Variants in GRIA3 observed in about 807,000 individuals in gnomAD.
GRIA3 encodes the protein glutamate ionotropic receptor AMPA type subunit 3, also known as glutamate receptor 3.
Under a neutral mutation model 63.0 loss-of-function variants are expected in GRIA3, and 3 were observed. The ratio of observed to expected loss-of-function variants is 0.05; its 90% CI spans 0.02 to 0.12. GRIA3 has a LOEUF of 0.12. GRIA3 is among the 10% of genes least tolerant of loss of function. The probability of loss-of-function intolerance (pLI) is 1.00; values close to 1 mark genes in which losing one functional copy is unlikely to be tolerated. For missense variants in GRIA3, 347 were observed against 700.9 expected (o/e 0.50, Z 5.70); for synonymous variants, 274 against 257.9 (o/e 1.06, Z -0.60).
chrX:123,198,908 A>G (rs1173197581), intron 2 of GRIA3, among the ~76,000 whole-genome samples: 2 of 112,013 alleles, frequency 1.8e-5, no homozygotes, highest in South Asian at 7.5e-4. Flanking sequence ...AGCATGGAAG[A>G]GTGGATCCCA....
intron 12 of GRIA3, among the ~76,000 whole-genome samples, chrX:123,454,161 G>A (rs1348868091): frequency 1.8e-5 from 2 of 110,375 alleles, no homozygotes; most frequent in Admixed American, 9.7e-5. Flanking sequence ...CAGAATTTCT[G>A]TGAAGTCATC....
chrX:123,333,246 A>T (rs1005124292), intron 4 of GRIA3, among the ~76,000 whole-genome samples: 1 of 112,024 alleles, frequency 8.9e-6, no homozygotes, highest in Non-Finnish European at 1.9e-5. Context: ...GTATACAGAA[A>T]GGGATCTCTT....
chrX:123,240,852 G>T (rs372004124), intron 2 of GRIA3, among the ~76,000 whole-genome samples: 18 of 111,017 alleles, frequency 1.6e-4, no homozygotes, highest in African/African-American at 5.2e-4. Flanking sequence ...GATGATAAAT[G>T]GTAAAGATAC....
intron 5 of GRIA3, among the ~76,000 whole-genome samples, chrX:123,376,765 G>T (rs1334612344): frequency 1.8e-5 from 2 of 110,912 alleles, no homozygotes; most frequent in African/African-American, 6.6e-5. Flanking sequence ...TCTGCAAGTG[G>T]TCAGCTCAAG....
chrX:123,188,771 C>T (rs1265445795), intron 2 of GRIA3, among the ~76,000 whole-genome samples: 1 of 111,928 alleles, frequency 8.9e-6, no homozygotes, highest in Non-Finnish European at 1.9e-5. Context: ...CTTTCCTGCA[C>T]CCTCAATCCT....
chrX:123,282,004 T>A (rs1257037751), intron 3 of GRIA3, among the ~76,000 whole-genome samples: 1 of 111,488 alleles, frequency 9.0e-6, no homozygotes, highest in Non-Finnish European at 1.9e-5. Flanking sequence ...AACTCTAGCA[T>A]GCCTCAGAAA....
Position 123,390,723 on chromosome X carries a change from T to G in GRIA3, c.751-4245T>G, listed in dbSNP as rs771499823. On this transcript the variant is annotated intron_variant, in intron 5 of 15. Transcript: ENST00000620443. The stretch of plus-strand genomic sequence containing the variant: ...TTCAGCTATTATTTTGTTAAATAGG[T>G]TTTTTATCACTTTCATTTTCTCTTC... Among the ~76,000 whole-genome samples the G allele has an allele frequency of 6.2e-5, 7 of 112,075 alleles. No homozygotes were observed. The South Asian group carries it at 2.6e-3, about 41-fold the overall frequency.
intron 12 of GRIA3, among the ~76,000 whole-genome samples, chrX:123,431,380 C>T (rs2045617491): frequency 9.1e-6 from 1 of 109,893 alleles, no homozygotes; most frequent in Admixed American, 9.5e-5. Context: ...TAGCTGTCAT[C>T]TTACAATCCC....
intron 2 of GRIA3, among the ~76,000 whole-genome samples, chrX:123,251,927 G>T (rs967147572): frequency 1.2e-4 from 14 of 112,002 alleles, no homozygotes; most frequent in Non-Finnish European, 2.6e-4. Context: ...ACATAGATTC[G>T]AATCAAATGC....
chrX:123,429,167 T>C (rs2045604756), intron 12 of GRIA3, among the ~76,000 whole-genome samples: 1 of 111,722 alleles, frequency 9.0e-6, no homozygotes, highest in Admixed American at 9.5e-5. Flanking sequence ...TGATTTTTCC[T>C]CAAAGGCCCA....
At chrX:123,358,989 G>A (rs1393371379) in intron 5 of GRIA3, among the ~76,000 whole-genome samples, 1 of 111,445 alleles carries the variant, frequency 9.0e-6, no homozygotes, top group Non-Finnish European at 1.9e-5. Context: ...AAAAAAGCAC[G>A]AGGCTAGGAG....
At chrX:123,222,902 A>C (rs2044226439) in intron 2 of GRIA3, among the ~76,000 whole-genome samples, 1 of 112,236 alleles carries the variant, frequency 8.9e-6, no homozygotes, top group African/African-American at 3.2e-5. Context: ...TCAACAGCCT[A>C]ACATCTTGTT....
intron 4 of GRIA3, among the ~76,000 whole-genome samples, chrX:123,342,244 CT>C (rs1370072827): frequency 8.9e-6 from 1 of 112,119 alleles, no homozygotes; most frequent in African/African-American, 3.2e-5. Flanking sequence ...GGACATTTCT[CT>C]TTACCCCATC....
intron 3 of GRIA3, among the ~76,000 whole-genome samples, chrX:123,299,104 A>C (rs1410318895): frequency 1.8e-5 from 2 of 111,398 alleles, no homozygotes; most frequent in Non-Finnish European, 3.8e-5. Flanking sequence ...TTTTTGCACC[A>C]GTACCATGCT....
intron 5 of GRIA3, among the ~76,000 whole-genome samples, chrX:123,392,278 G>A (rs2045391040): frequency 1.8e-5 from 2 of 111,544 alleles, no homozygotes; most frequent in African/African-American, 3.3e-5. Flanking sequence ...CTCGTGTTTC[G>A]CCCTGGCAGC....
intron 5 of GRIA3, among the ~76,000 whole-genome samples, chrX:123,356,582 G>A (rs1214507977): frequency 9.0e-6 from 1 of 111,585 alleles, no homozygotes; most frequent in African/African-American, 3.3e-5. Flanking sequence ...CTTCAAACAG[G>A]GCTAAAATAG....
chrX:123,313,864 G>T (rs1417944471), intron 3 of GRIA3, among the ~76,000 whole-genome samples: 1 of 111,537 alleles, frequency 9.0e-6, no homozygotes, highest in Non-Finnish European at 1.9e-5. Flanking sequence ...TCTCTTCAAA[G>T]TTCATCTTCT....
intron 5 of GRIA3, among the ~76,000 whole-genome samples, chrX:123,367,070 A>G (rs914897367): frequency 3.6e-5 from 4 of 111,298 alleles, no homozygotes. Flanking sequence ...ATAAAAAGGC[A>G]AATAAAAAAG....
intron 2 of GRIA3, chrX:123,204,678 C>T: frequency 9.7e-7 from 1 of 1,034,610 alleles, no homozygotes; most frequent in Non-Finnish European, 1.2e-6. Flanking sequence ...TAATTTATTC[C>T]TCAAATCCTG....
Sources: gnomAD v4.1 joint callset for allele counts (sites outside exome capture counted in the v4.1 genomes callset) on GRCh38, gnomAD v4.1.1 for gene constraint, MANE v1.5 for transcripts, NCBI Gene and HGNC (gene_info 2026-07-23, HGNC 2026-07-21) for gene names.